Variants in UNC13C observed in about 807,000 individuals in gnomAD.
UNC13C encodes unc-13 homolog C, also known as protein unc-13 homolog C.
A neutral mutation model predicts 245.4 loss-of-function variants in UNC13C; 174 were observed. That is an observed-to-expected ratio of 0.71 (90% CI 0.63 to 0.80). UNC13C has a LOEUF of 0.80. Among genes scored for constraint, UNC13C ranks in the 30% least tolerant of loss-of-function variants. The pLI is 0.00. For missense variants in UNC13C, 2,829 were observed against 2,602.9 expected, an observed-to-expected ratio of 1.09 and a Z score of -1.89; for synonymous variants, 992 against 895.1, an observed-to-expected ratio of 1.11 and a Z score of -1.93.
At chr15:54,574,403 A>G (rs1257531380) in intron 30 of UNC13C, among the ~76,000 whole-genome samples, 1 of 151,954 alleles carries the variant, frequency 6.6e-6, no homozygotes, top group Non-Finnish European at 1.5e-5. Context: ...CAATGTTACT[A>G]AAAAAAAGGT....
intron 2 of UNC13C, among the ~76,000 whole-genome samples, chr15:54,066,306 G>A (rs369421641): frequency 1.1e-4 from 16 of 152,194 alleles, no homozygotes; most frequent in African/African-American, 3.9e-4. Flanking sequence ...AATACAAGCT[G>A]ATTTCTTTTT....
intron 4 of UNC13C, among the ~76,000 whole-genome samples, chr15:54,168,748 A>G (rs977694984): frequency 2.6e-5 from 4 of 152,188 alleles, no homozygotes; most frequent in South Asian, 2.1e-4. Flanking sequence ...CTAGGATTAT[A>G]TTGGAAATAA....
intron 2 of UNC13C, among the ~76,000 whole-genome samples, chr15:54,025,887 T>C (rs1174820396): frequency 1.3e-5 from 2 of 152,176 alleles, no homozygotes; most frequent in Non-Finnish European, 2.9e-5. Flanking sequence ...CAACAAGAAA[T>C]GACAGCTTGA....
intron 4 of UNC13C, among the ~76,000 whole-genome samples, chr15:54,182,513 T>C (rs1054451177): frequency 6.6e-6 from 1 of 152,076 alleles, no homozygotes; most frequent in Non-Finnish European, 1.5e-5. Context: ...ATCAGGGTGA[T>C]GCTGGCTTCA....
Position 54,395,010 on chromosome 15 carries a change from A to G in UNC13C, c.4847+1829A>G, listed in dbSNP as rs79889120. On this transcript the variant is annotated intron_variant, in intron 18 of 32. Transcript: ENST00000260323. ...GAGAAAATTGTTTTTGTTTTTTTCA[A>G]TTTTGTTTTTAATGTCAGAGTTTAA... Among the ~76,000 whole-genome samples, 913 of 151,866 alleles carry G rather than the reference A, an allele frequency of 6.0e-3. 14 individuals carry two copies. Among genetic ancestry groups the G allele is most frequent in the African/African-American group, 0.021 (884 of 41,510 alleles).
At chr15:54,302,947 A>C (rs538381122) in intron 13 of UNC13C, among the ~76,000 whole-genome samples, 1 of 152,276 alleles carries the variant, frequency 6.6e-6, no homozygotes, top group South Asian at 2.1e-4. Flanking sequence ...TGTAAGCATG[A>C]ATGATAATTA....
At chr15:54,409,564 T>G (rs2040376234) in intron 18 of UNC13C, among the ~76,000 whole-genome samples, 1 of 152,184 alleles carries the variant, frequency 6.6e-6, no homozygotes, top group Non-Finnish European at 1.5e-5. Flanking sequence ...CAATGTCTTT[T>G]GTTCCTTTCT....
intron 19 of UNC13C, among the ~76,000 whole-genome samples, chr15:54,424,220 G>A (rs1470275878): frequency 6.6e-6 from 1 of 151,696 alleles, no homozygotes; most frequent in Non-Finnish European, 1.5e-5. Flanking sequence ...AAAAATAGCT[G>A]TGACTATTTT....
At chr15:54,395,698 C>T (rs781698131) in intron 18 of UNC13C, among the ~76,000 whole-genome samples, 19 of 151,764 alleles carry the variant, frequency 1.3e-4, no homozygotes, top group Admixed American at 5.9e-4. Flanking sequence ...TAGTGAAGTT[C>T]TTATTGTTAT....
At chr15:54,524,692 A>G (rs1895370053) in intron 24 of UNC13C, among the ~76,000 whole-genome samples, 1 of 151,756 alleles carries the variant, frequency 6.6e-6, no homozygotes, top group African/African-American at 2.4e-5. Flanking sequence ...ATTAGGTCCT[A>G]TATTTAGTTG....
At chr15:54,572,149 C>T (rs1897783869) in intron 30 of UNC13C, among the ~76,000 whole-genome samples, 1 of 151,972 alleles carries the variant, frequency 6.6e-6, no homozygotes, top group Non-Finnish European at 1.5e-5. Flanking sequence ...GGTGCCAGAT[C>T]CCGGGTCAAC....
the UNC13C span, among the ~76,000 whole-genome samples, chr15:53,841,610 C>T: frequency 2.0e-5 from 3 of 152,012 alleles, no homozygotes; most frequent in African/African-American, 7.3e-5. Context: ...GAAATTATGG[C>T]ATATGTGACA....
At position 54,502,648 on chromosome 15, in the gene UNC13C, C is replaced by T. The variant is rs537167938; in HGVS notation, c.5301+1670C>T. The stretch of plus-strand genomic sequence containing the variant: ...CTGGGTCATTAGGAATAGTGTTTGA[C>T]AAAGTATGTCACGTACTATTCTTGG... On this transcript the variant is annotated intron_variant, in intron 22 of 32. Coordinates refer to ENST00000260323, the MANE Select transcript of UNC13C (RefSeq NM_001080534.3). Among the ~76,000 whole-genome samples the T allele has an allele frequency of 9.2e-5, 14 of 152,158 alleles. No homozygotes were observed. In the South Asian group the frequency reaches 2.9e-3, roughly 32 times the overall value.
intron 1 of UNC13C, among the ~76,000 whole-genome samples, chr15:53,984,653 G>A (rs571586652): frequency 1.3e-5 from 2 of 152,188 alleles, no homozygotes; most frequent in Admixed American, 6.5e-5. Flanking sequence ...CATTATCTGT[G>A]TATTGAAGAT....
intron 4 of UNC13C, among the ~76,000 whole-genome samples, chr15:54,214,566 GATT>G (rs1001807934): frequency 4.0e-5 from 6 of 151,842 alleles, no homozygotes; most frequent in African/African-American, 1.5e-4. Flanking sequence ...ATAGAAGAGG[GATT>G]ATTAAACATT....
intron 10 of UNC13C, among the ~76,000 whole-genome samples, chr15:54,274,137 G>A (rs2036767255): frequency 6.6e-6 from 1 of 152,140 alleles, no homozygotes; most frequent in Admixed American, 6.5e-5. Flanking sequence ...GGGGGAGCCA[G>A]TCCTAGGGAG....
the UNC13C span, among the ~76,000 whole-genome samples, chr15:53,937,987 A>G: frequency 1.3e-5 from 2 of 152,220 alleles, no homozygotes; most frequent in African/African-American, 2.4e-5. Flanking sequence ...AGTCTGCAAA[A>G]TAACCAGCTA....
rs1555431020 is a variant in UNC13C, at chr15:54,204,316, A to AC, written c.3072-30714_3072-30713insC. On this transcript the variant is annotated intron_variant, in intron 4 of 32. Transcript: ENST00000260323. ...AAAAGATTAAAAATTGAAAAAAAAA[A>AC]AAAAACCAAAACCACCTCAATTCCG... Among the ~76,000 whole-genome samples, 14 of 151,014 alleles carry AC rather than the reference A, an allele frequency of 9.3e-5. No homozygotes were observed. The South Asian group carries it at 2.9e-3, about 32-fold the overall frequency.
At chr15:54,349,413 T>C (rs960462771) in intron 17 of UNC13C, among the ~76,000 whole-genome samples, 5 of 151,868 alleles carry the variant, frequency 3.3e-5, no homozygotes, top group Non-Finnish European at 7.4e-5. Context: ...ATTCTGAAAA[T>C]ATCAATAACA....
Sources: gnomAD v4.1 joint callset for allele counts (sites outside exome capture counted in the v4.1 genomes callset) on GRCh38, gnomAD v4.1.1 for gene constraint, MANE v1.5 for transcripts, NCBI Gene and HGNC (gene_info 2026-07-23, HGNC 2026-07-21) for gene names.